The following MTFR1 variants were observed in gnomAD, a reference collection of about 807,000 sequenced individuals.
The protein encoded by MTFR1 is chondrocyte protein with a poly-proline region.
Under a neutral mutation model 38.8 loss-of-function variants are expected in MTFR1, and 28 were observed. The observed-to-expected ratio is 0.72, with a 90% CI of 0.53 to 0.99. The LOEUF (loss-of-function observed/expected upper bound fraction) is 0.99, where lower values mean the gene tolerates loss of function less well. Among genes scored for constraint, MTFR1 ranks in the 50% least tolerant of loss-of-function variants. The probability of loss-of-function intolerance (pLI) is 0.00; values close to 1 mark genes in which losing one functional copy is unlikely to be tolerated. For synonymous variants in MTFR1, 145 were observed against 137.0 expected (o/e 1.06, Z -0.41); for missense variants, 358 against 395.5 (o/e 0.91, Z 0.81).
In MTFR1 at chr8:65,723,571, G is replaced by A. The variant is rs377409193; in HGVS notation, c.*48+4090G>A. ...TGGATGTTGGCAATAGATTCAGTGT[G>A]ACGATCGCAAAGTGGACTCACACCC... On this transcript the variant is annotated intron_variant, in intron 3 of 3. Coordinates refer to the MTFR1 transcript ENST00000521247. 1.7e-4 allele frequency: 271 copies of A among 1,583,012 alleles called. No homozygotes were observed. The highest frequency in any genetic ancestry group is 2.3e-4 in the Non-Finnish European group (263 of 1,166,448).
chr8:65,684,002 T>C (rs905530001), intron 3 of MTFR1, among the ~76,000 whole-genome samples: 1 of 152,208 alleles, frequency 6.6e-6, no homozygotes, highest in African/African-American at 2.4e-5. Context: ...ATTCCATCAA[T>C]GTCTTTCTGG....
chr8:65,766,841 A>G (rs1022877661), intron 3 of MTFR1, among the ~76,000 whole-genome samples: 5 of 152,216 alleles, frequency 3.3e-5, no homozygotes, highest in African/African-American at 9.6e-5. Context: ...ACAAATCTGT[A>G]CCTTAATGGG....
chr8:65,725,059 C>A, intron 3 of MTFR1: 1 of 478,376 alleles, frequency 2.1e-6, no homozygotes, highest in Non-Finnish European at 3.5e-6. Context: ...AAATTTATCA[C>A]ACAAAAAATG....
At position 65,717,749 on chromosome 8, in the gene MTFR1, C is replaced by T. The variant is rs960884947; in HGVS notation, c.382-1631C>T. 27 of 152,286 alleles carry T rather than the reference C, an allele frequency of 1.8e-4. 2 individuals are homozygous for T. The highest frequency in any genetic ancestry group is 1.6e-3 in the Admixed American group (24 of 15,288). 9.4% of individuals were successfully genotyped at this position (152,286 alleles called of 1,614,324 possible). A position where few individuals can be genotyped will look rare whatever the true frequency, so the allele number is the denominator to read the frequency against. On this transcript the variant is annotated intron_variant, in intron 2 of 3. Transcript: ENST00000521247. ...CAGGCACATATTAAAATGAGTATGG[C>T]AAAGCCTTTTACAAATGGCTTTACA...
intron 3 of MTFR1, among the ~76,000 whole-genome samples, chr8:65,732,006 T>C (rs1806912696): frequency 6.6e-6 from 1 of 151,940 alleles, no homozygotes; most frequent in African/African-American, 2.4e-5. Context: ...TTGTTGTTGT[T>C]GTTGTTATTT....
chr8:65,778,416 G>A, the MTFR1 span, among the ~76,000 whole-genome samples: 3 of 152,086 alleles, frequency 2.0e-5, no homozygotes, highest in Admixed American at 2.0e-4. Flanking sequence ...ACATGAGATG[G>A]ACCAAGGCCC....
intron 3 of MTFR1, chr8:65,721,797 ATTTTTTTTTTTTT>A (rs57656696): frequency 1.6e-5 from 2 of 125,410 alleles, no homozygotes; most frequent in Non-Finnish European, 3.3e-5. Context: ...TCTTTTGTCC[ATTTTTTTTTTTTT>A]TTTTTTTTGA....
rs1806655174 is a variant in MTFR1 at position 65,727,386 on chromosome 8, ATGGTAG to A, written c.*48+7910_*48+7915del. ...CACAGTAGTTTTGAATTAGCAGCCA[ATGGTAG>A]TGGTGGTAATCTCCTCCCCCTTCAC... On this transcript the variant is annotated intron_variant, in intron 3 of 3. Coordinates refer to the MTFR1 transcript ENST00000521247. The A allele has an allele frequency of 1.3e-5, 20 of 1,556,090 alleles. No individual in the cohort carries two copies. In the South Asian group the frequency reaches 2.4e-4, roughly 19 times the overall value.
intron 1 of MTFR1, among the ~76,000 whole-genome samples, chr8:65,665,772 C>T (rs1367220438): frequency 6.6e-6 from 1 of 152,236 alleles, no homozygotes; most frequent in Non-Finnish European, 1.5e-5. Context: ...TTCAGGCATG[C>T]AACGTCACAC....
intron 1 of MTFR1, among the ~76,000 whole-genome samples, chr8:65,658,241 A>G (rs1381491028): frequency 6.6e-6 from 1 of 152,212 alleles, no homozygotes; most frequent in East Asian, 1.9e-4. Context: ...AATTTTTGGC[A>G]TCTTAAATGT....
intron 3 of MTFR1, 38 bp downstream of exon 3, chr8:65,682,489 T>A (rs1314975156): frequency 9.2e-7 from 1 of 1,088,264 alleles, no homozygotes; most frequent in African/African-American, 1.7e-5. Flanking sequence ...TTTATTAATA[T>A]GTACATTAGA....
At chr8:65,754,037 G>A (rs959937070) in intron 3 of MTFR1, among the ~76,000 whole-genome samples, 5 of 151,974 alleles carry the variant, frequency 3.3e-5, no homozygotes, top group African/African-American at 4.8e-5. Context: ...TAACTCACAC[G>A]ATCACAAGGT....
At chr8:65,644,048 AC>A (rs1168427888), upstream of MTFR1, among the ~76,000 whole-genome samples, 1 of 152,182 alleles carries the variant, frequency 6.6e-6, no homozygotes, top group African/African-American at 2.4e-5. Context: ...TTCCTACCCT[AC>A]ATAGGAATCT....
At chr8:65,706,673 G>T (rs1315700866) in intron 5 of MTFR1, among the ~76,000 whole-genome samples, 1 of 152,190 alleles carries the variant, frequency 6.6e-6, no homozygotes, top group African/African-American at 2.4e-5. Flanking sequence ...TGTATGTAAT[G>T]TAGACTTGTT....
chr8:65,735,654 C>T (rs893617940), intron 3 of MTFR1, among the ~76,000 whole-genome samples: 18 of 151,982 alleles, frequency 1.2e-4, no homozygotes, highest in African/African-American at 2.4e-4. Flanking sequence ...GATGGAGTCT[C>T]GCTCTGTCAC....
Position 65,649,022 on chromosome 8 carries a change from AC to A in MTFR1, c.-81+4239del, listed in dbSNP as rs1809044246. 2.6e-5 allele frequency among the ~76,000 whole-genome samples: 4 copies of A among 152,200 alleles called. No homozygotes were observed. In the South Asian group the frequency reaches 8.3e-4, roughly 32 times the overall value. ...CCGCAGATAGAAAATATTTGAAAAA[AC>A]AATGATAAAATAACAATATGACAAT... On this transcript the variant is annotated intron_variant, in intron 1 of 7. Coordinates refer to ENST00000262146, the MANE Select transcript of MTFR1 (RefSeq NM_014637.4).
chr8:65,753,670 G>T (rs551591524), intron 3 of MTFR1, among the ~76,000 whole-genome samples: 1 of 152,100 alleles, frequency 6.6e-6, no homozygotes, highest in East Asian at 1.9e-4. Context: ...TCAGGTGCTC[G>T]ATTTCCTTAT....
intron 3 of MTFR1, among the ~76,000 whole-genome samples, chr8:65,746,781 T>C (rs1164893309): frequency 2.0e-5 from 3 of 152,154 alleles, no homozygotes; most frequent in African/African-American, 7.2e-5. Context: ...TTTTAACATT[T>C]AAAGCAGGCA....
At chr8:65,725,353 A>G (rs1806567747) in intron 3 of MTFR1, 1 of 155,918 alleles carries the variant, frequency 6.4e-6, no homozygotes, top group African/African-American at 2.4e-5. Flanking sequence ...ATTCAAATAG[A>G]AAGAATAATG....
Sources: gnomAD v4.1 joint callset for allele counts (sites outside exome capture counted in the v4.1 genomes callset) on GRCh38, gnomAD v4.1.1 for gene constraint, MANE v1.5 for transcripts, NCBI Gene and HGNC (gene_info 2026-07-23, HGNC 2026-07-21) for gene names.